MYH16: variants seen among roughly 807,000 people sequenced by gnomAD.
MYH16 encodes putative uncharacterized protein MYH16.
chr7:99,267,959 G>T (rs568791635), intron 18 of MYH16, among the ~76,000 whole-genome samples: 78 of 152,234 alleles, frequency 5.1e-4, no homozygotes, highest in Middle Eastern at 6.8e-3. Flanking sequence ...CACGCATGAC[G>T]CAGGCTTGGC....
rs186096687 is a variant in MYH16 at position 99,279,867 on chromosome 7, T to G, written n.2887+130T>G. On this transcript the variant is annotated intron_variant and non_coding_transcript_variant, in intron 22 of 41. Transcript: ENST00000439784. Reference sequence around the variant, plus strand: ...ATGGGGCAGTTTTTTGGGGGTTTTTTTTTGTTTGTTTGTTTTGCGACAGAG... The same window carrying G: ...ATGGGGCAGTTTTTTGGGGGTTTTTGTTTGTTTGTTTGTTTTGCGACAGAG... 9.2e-3 allele frequency: 3,271 copies of G among 356,976 alleles called. 83 individuals carry two copies. Among genetic ancestry groups the G allele is most frequent in the African/African-American group, 0.056 (2,614 of 46,706 alleles). The allele number at this position is 356,976 out of a possible 1,614,324, so 22.1% of individuals were successfully genotyped here. A position where few individuals can be genotyped will look rare whatever the true frequency, so the allele number is the denominator to read the frequency against.
chr7:99,256,781 AAATT>A (rs1406660522), intron 9 of MYH16, among the ~76,000 whole-genome samples: 7 of 152,030 alleles, frequency 4.6e-5, no homozygotes, highest in South Asian at 4.2e-4. Flanking sequence ...ATCTATAAAT[AAATT>A]AATTAATTAA....
chr7:99,280,863 C>A lies in MYH16; in HGVS notation n.2888-13C>A, dbSNP rs557137772. On this transcript the variant is annotated splice_polypyrimidine_tract_variant and intron_variant and non_coding_transcript_variant, in intron 22 of 41. Transcript: ENST00000439784. ...CTTTAAGGATCTACCTCTCTCCCTG[C>A]CCTGGTTTCTAGGCCCTGGATCACA... 6.6e-5 allele frequency: 22 copies of A among 330,906 alleles called. No individual in the cohort carries two copies. Among genetic ancestry groups the A allele is most frequent in the Non-Finnish European group, 1.1e-4 (19 of 165,272 alleles). 20.5% of individuals were successfully genotyped at this position (330,906 alleles called of 1,614,324 possible).
At chr7:99,280,096 C>T (rs545860959) in intron 22 of MYH16, among the ~76,000 whole-genome samples, 23 of 152,318 alleles carry the variant, frequency 1.5e-4, no homozygotes, top group Non-Finnish European at 2.6e-4. Context: ...TGGTCTTGAA[C>T]GCCTCACCTC....
intron 29 of MYH16, 146 bp downstream of exon 10, chr7:99,288,283 A>C: frequency 5.4e-6 from 2 of 371,436 alleles, no homozygotes; most frequent in Non-Finnish European, 5.4e-6. Flanking sequence ...CTCCTCAAAA[A>C]ATGAAATTAG....
At chr7:99,274,984 T>A (rs930701175) in intron 20 of MYH16, among the ~76,000 whole-genome samples, 3 of 151,776 alleles carry the variant, frequency 2.0e-5, no homozygotes, top group Non-Finnish European at 4.4e-5. Flanking sequence ...GCCTCGCTTT[T>A]TTATTTTGGA....
intron 18 of MYH16, among the ~76,000 whole-genome samples, chr7:99,267,241 CGTTTT>C (rs566758237): frequency 1.3e-5 from 2 of 152,156 alleles, no homozygotes; most frequent in South Asian, 2.1e-4. Flanking sequence ...TAGAACCCTA[CGTTTT>C]GTTTTGTTTT....
intron 1 of MYH16, among the ~76,000 whole-genome samples, chr7:99,242,530 C>T (rs1487375859): frequency 6.6e-6 from 1 of 151,986 alleles, no homozygotes; most frequent in Non-Finnish European, 1.5e-5. Flanking sequence ...CCCAGCTACT[C>T]GGGAGGCTGA....
rs1792067617 is a variant in MYH16, at chr7:99,273,014, A to G, written n.2404-328A>G. On this transcript the variant is annotated intron_variant and non_coding_transcript_variant, in intron 19 of 41. The change abolishes an upstream ATG in the 5' untranslated region. Transcript: ENST00000439784. ...CAGATTCCAGCAACTTTGCAGATCC[A>G]TGGGATTTGGAGACTAATGGGTGAT... Among the ~76,000 whole-genome samples the G allele has an allele frequency of 6.6e-6, 1 of 152,156 alleles. No homozygotes were observed. The highest frequency in any genetic ancestry group is 1.5e-5 in the Non-Finnish European group (1 of 68,016).
intron 8 of MYH16, among the ~76,000 whole-genome samples, chr7:99,255,289 ATAAG>A (rs1471085832): frequency 2.0e-5 from 3 of 151,396 alleles, no homozygotes; most frequent in African/African-American, 7.3e-5. Flanking sequence ...TTTAAAATAA[ATAAG>A]TAACAAAAAT....
chr7:99,309,088 T>C (rs1170069294), downstream of MYH16, among the ~76,000 whole-genome samples: 1 of 152,216 alleles, frequency 6.6e-6, no homozygotes, highest in African/African-American at 2.4e-5. Context: ...ACACACACCC[T>C]GTGCTATGAA....
rs569961821 is a variant in MYH16 at position 99,275,484 on chromosome 7, T to C, written n.2486-2055T>C. Among the ~76,000 whole-genome samples the C allele has an allele frequency of 2.2e-4, 33 of 152,312 alleles. 1 individual carries two copies. In the South Asian group the frequency reaches 5.6e-3, roughly 26 times the overall value. ...GCTTTAATCTCATCCTAAGCAAATG[T>C]TACCCACAAAATTGTGGATTTGAGT... On this transcript the variant is annotated intron_variant and non_coding_transcript_variant, in intron 20 of 41. Transcript: ENST00000439784.
chr7:99,241,918 C>T lies in MYH16; in HGVS notation n.211-1360C>T, dbSNP rs1031313873. ...CACTATCACCCAGGCTGGAGTGCAG[C>T]GGCATGATCTCCGCTCACTGCAACC... On this transcript the variant is annotated intron_variant and non_coding_transcript_variant, in intron 1 of 41. Coordinates refer to ENST00000439784, the Ensembl canonical transcript of MYH16. Among the ~76,000 whole-genome samples, 11 of 151,202 alleles carry T rather than the reference C, an allele frequency of 7.3e-5. No homozygotes were observed. In the East Asian group the frequency reaches 1.2e-3, roughly 16 times the overall value.
intron 39 of MYH16, among the ~76,000 whole-genome samples, chr7:99,303,747 A>G (rs1163340646): frequency 1.3e-5 from 2 of 152,210 alleles, no homozygotes; most frequent in Non-Finnish European, 1.5e-5. Flanking sequence ...GGTTGCAGTG[A>G]GTCATGATCC....
exon 35 of MYH16, chr7:99,297,736 A>C (rs1792522979): frequency 2.2e-6 from 1 of 456,504 alleles, no homozygotes; most frequent in Admixed American, 2.4e-5. Context: ...TGAAGAAAAA[A>C]TTGGAGATGG....
exon 25 of MYH16, chr7:99,283,909 G>A (rs1792239291): frequency 2.2e-6 from 1 of 456,506 alleles, no homozygotes; most frequent in Non-Finnish European, 4.4e-6. Flanking sequence ...GAAAATCCGG[G>A]CGGAGGTGGA....
exon 40 of MYH16, chr7:99,304,708 G>C (rs1792654637): frequency 6.5e-6 from 1 of 153,124 alleles, no homozygotes; most frequent in Non-Finnish European, 1.5e-5. Context: ...AGGCCGAGCA[G>C]CTGGCTCTGA....
At chr7:99,259,849 GTA>G (rs143467965) in intron 11 of MYH16, among the ~76,000 whole-genome samples, 9 of 145,012 alleles carry the variant, frequency 6.2e-5, no homozygotes, top group East Asian at 2.0e-4. Flanking sequence ...GTATGTATGT[GTA>G]TATATATATA....
chr7:99,296,968 C>G (rs544525773), intron 34 of MYH16, 51 bp downstream of exon 15: 1 of 447,172 alleles, frequency 2.2e-6, no homozygotes, highest in African/African-American at 2.0e-5. Context: ...GGGGACACAG[C>G]CAGAGTCCCC....
Sources: allele counts gnomAD v4.1 joint callset (sites outside exome capture counted in the v4.1 genomes callset), GRCh38; gene constraint gnomAD v4.1.1; transcripts MANE v1.5; gene names NCBI Gene and HGNC (gene_info 2026-07-23, HGNC 2026-07-21).